RNF220: variants seen among roughly 807,000 people sequenced by gnomAD.
The protein encoded by RNF220 is ring finger protein 220.
RNF220 carries 7 observed loss-of-function variants against 67.1 expected under a neutral mutation model. That is an observed-to-expected ratio of 0.10 (90% CI 0.06 to 0.20). The LOEUF (loss-of-function observed/expected upper bound fraction) is 0.20. Among genes scored for constraint, RNF220 ranks in the 10% least tolerant of loss-of-function variants. The pLI is 1.00. For missense variants in RNF220, 565 were observed against 740.3 expected, an observed-to-expected ratio of 0.76 and a Z score of 2.75; for synonymous variants, 270 against 283.2, an observed-to-expected ratio of 0.95 and a Z score of 0.47.
intron 2 of RNF220, among the ~76,000 whole-genome samples, chr1:44,476,680 G>T (rs769309257): frequency 1.3e-5 from 2 of 152,198 alleles, no homozygotes; most frequent in Admixed American, 6.5e-5. Context: ...CCTAGGGAAG[G>T]CAGATGTTAG....
intron 2 of RNF220, among the ~76,000 whole-genome samples, chr1:44,456,830 C>T (rs981012837): frequency 2.0e-5 from 3 of 152,152 alleles, no homozygotes; most frequent in Non-Finnish European, 4.4e-5. Flanking sequence ...TCTCTGGCCT[C>T]ATACCCCTCT....
In RNF220 at chr1:44,417,040, G is replaced by A. The variant is rs1648609847; in HGVS notation, c.625+4318G>A. ...TCCAAGGGCTCTGGGACTGGGGTGG[G>A]CAGGGACTCTACACTGGGCTTTTAG... On this transcript the variant is annotated intron_variant, in intron 2 of 14. Transcript: ENST00000361799. This position sits in a 1 kb window ranked among gnomAD's most constrained non-coding sequence, Gnocchi z 4.0. Among the ~76,000 whole-genome samples the A allele has an allele frequency of 6.6e-6, 1 of 152,126 alleles. No individual in the cohort carries two copies. Among genetic ancestry groups the A allele is most frequent in the South Asian group, 2.1e-4 (1 of 4,822 alleles).
intron 2 of RNF220, among the ~76,000 whole-genome samples, chr1:44,596,018 C>G (rs1288196795): frequency 6.6e-6 from 1 of 152,190 alleles, no homozygotes; most frequent in Non-Finnish European, 1.5e-5. Context: ...CCCATCTCAG[C>G]CTCCCAAAGT....
chr1:44,537,983 C>T (rs1661365705), intron 2 of RNF220, among the ~76,000 whole-genome samples: 1 of 152,236 alleles, frequency 6.6e-6, no homozygotes. Flanking sequence ...TATTTTTAGC[C>T]TACATGCAGA....
At chr1:44,524,544 C>CT (rs1229506041) in intron 2 of RNF220, among the ~76,000 whole-genome samples, 15 of 152,188 alleles carry the variant, frequency 9.9e-5, no homozygotes. Context: ...TTTTACATCT[C>CT]TTACCTGCCT....
chr1:44,586,787 G>A (rs1558067953), intron 2 of RNF220, among the ~76,000 whole-genome samples: 1 of 152,340 alleles, frequency 6.6e-6, no homozygotes, highest in East Asian at 1.9e-4. Flanking sequence ...GCTGAGGATG[G>A]AGAGAAGTGG....
intron 2 of RNF220, among the ~76,000 whole-genome samples, chr1:44,495,871 G>A (rs1401033570): frequency 6.6e-6 from 1 of 152,204 alleles, no homozygotes; most frequent in Admixed American, 6.5e-5. Flanking sequence ...CCAGCATTTA[G>A]AGTAGTGTCT....
chr1:44,479,492 A>G (rs1250312088), intron 2 of RNF220, among the ~76,000 whole-genome samples: 1 of 152,128 alleles, frequency 6.6e-6, no homozygotes, highest in African/African-American at 2.4e-5. Context: ...TTTACAAGAC[A>G]GAATCTACCG....
At chr1:44,518,888 AC>A (rs1390922230) in intron 2 of RNF220, among the ~76,000 whole-genome samples, 20 of 146,466 alleles carry the variant, frequency 1.4e-4, no homozygotes, top group Non-Finnish European at 2.6e-4. Context: ...AACAAAAAAA[AC>A]AAAAAAAAAA....
intron 2 of RNF220, among the ~76,000 whole-genome samples, chr1:44,595,269 G>A (rs1013751225): frequency 2.6e-5 from 4 of 152,180 alleles, no homozygotes; most frequent in Admixed American, 6.5e-5. Context: ...GGCCGGCTCC[G>A]GGGCCCCTGC....
intron 2 of RNF220, among the ~76,000 whole-genome samples, chr1:44,555,350 G>A (rs1662987172): frequency 6.6e-6 from 1 of 152,014 alleles, no homozygotes; most frequent in African/African-American, 2.4e-5. Flanking sequence ...TTACAGGGGT[G>A]AGCCACTCCA....
chr1:44,620,395 C>T (rs1429241922), intron 3 of RNF220, among the ~76,000 whole-genome samples: 1 of 152,192 alleles, frequency 6.6e-6, no homozygotes, highest in Non-Finnish European at 1.5e-5. Flanking sequence ...TACTCTTATC[C>T]TAGGCCAGGT....
chr1:44,572,289 G>A (rs1173336700), intron 2 of RNF220, among the ~76,000 whole-genome samples: 1 of 152,176 alleles, frequency 6.6e-6, no homozygotes, highest in African/African-American at 2.4e-5. Context: ...CATCTTTATA[G>A]CCTCTGTGTC....
intron 2 of RNF220, among the ~76,000 whole-genome samples, chr1:44,496,715 G>A (rs1313968921): frequency 6.6e-6 from 1 of 152,220 alleles, no homozygotes; most frequent in East Asian, 1.9e-4. Context: ...GGTGTGGGCT[G>A]ATGGCCCAGA....
intron 2 of RNF220, among the ~76,000 whole-genome samples, chr1:44,557,641 A>T (rs1663221212): frequency 1.3e-5 from 2 of 152,176 alleles, no homozygotes; most frequent in African/African-American, 4.8e-5. Context: ...TTGTCCAAAG[A>T]TGTTTAAATT....
At chr1:44,511,916 CGTGTGT>C (rs71728249) in intron 2 of RNF220, among the ~76,000 whole-genome samples, 18 of 147,802 alleles carry the variant, frequency 1.2e-4, no homozygotes, top group African/African-American at 2.8e-4. Context: ...CGTGTGTGTG[CGTGTGT>C]GTGTGTGTGT....
intron 2 of RNF220, among the ~76,000 whole-genome samples, chr1:44,503,932 C>G (rs1658172267): frequency 6.6e-6 from 1 of 152,168 alleles, no homozygotes; most frequent in South Asian, 2.1e-4. Context: ...TCACTACAAC[C>G]TCCACGTCTT....
chr1:44,553,681 G>C (rs1431039147), intron 2 of RNF220, among the ~76,000 whole-genome samples: 1 of 152,178 alleles, frequency 6.6e-6, no homozygotes, highest in Non-Finnish European at 1.5e-5. Flanking sequence ...AAACTTTCTG[G>C]AATAAATATA....
At chr1:44,568,048 G>A (rs1414571894) in intron 2 of RNF220, among the ~76,000 whole-genome samples, 1 of 152,202 alleles carries the variant, frequency 6.6e-6, no homozygotes, top group Admixed American at 6.5e-5. Context: ...CAGAGAATCA[G>A]CGCTGTGTCA....
Sources: allele counts gnomAD v4.1 joint callset (sites outside exome capture counted in the v4.1 genomes callset), GRCh38; gene constraint gnomAD v4.1.1; non-coding constraint Gnocchi (gnomAD v3.1); transcripts MANE v1.5; gene names NCBI Gene and HGNC (gene_info 2026-07-23, HGNC 2026-07-21).